The following STK40 variants were observed in gnomAD, a reference collection of about 807,000 sequenced individuals.
STK40 encodes serine/threonine kinase 40, also known as serine/threonine-protein kinase 40.
STK40 carries 13 observed loss-of-function variants against 47.9 expected under a neutral mutation model. The ratio of observed to expected loss-of-function variants is 0.27; its 90% CI spans 0.18 to 0.43. STK40 has a LOEUF of 0.43. Ranked by LOEUF, STK40 falls within the 20% of genes least tolerant of loss-of-function variation. STK40 has a pLI of 1.00. For missense variants in STK40, 460 were observed against 595.1 expected, an observed-to-expected ratio of 0.77 and a Z score of 2.36; for synonymous variants, 225 against 243.2, an observed-to-expected ratio of 0.93 and a Z score of 0.69.
chr1:36,342,258 G>A (rs547219177), intron 10 of STK40: 2 of 456,592 alleles, frequency 4.4e-6, no homozygotes, highest in African/African-American at 4.0e-5. Flanking sequence ...CTTTACCTCA[G>A]AAGCCTTAGC....
At chr1:36,367,934 T>A (rs903525657) in intron 1 of STK40, 14 of 977,650 alleles carry the variant, frequency 1.4e-5, no homozygotes, top group African/African-American at 3.5e-5. Context: ...CAGTTGGAGG[T>A]GAAGTGTGGG....
intron 6 of STK40, among the ~76,000 whole-genome samples, chr1:36,349,419 G>A (rs1646731472): frequency 6.6e-6 from 1 of 152,224 alleles, no homozygotes; most frequent in South Asian, 2.1e-4. Context: ...AAAGGCACAG[G>A]GAAGTGAAAG....
At chr1:36,383,451 A>G (rs1647057963) in intron 1 of STK40, among the ~76,000 whole-genome samples, 1 of 152,378 alleles carries the variant, frequency 6.6e-6, no homozygotes, top group African/African-American at 2.4e-5. Context: ...AGGCCAATGC[A>G]GGAGCTTGCC....
At chr1:36,343,285 C>T (rs557044595) in intron 10 of STK40, 79 bp downstream of exon 10, 16 of 1,479,912 alleles carry the variant, frequency 1.1e-5, no homozygotes, top group Non-Finnish European at 1.5e-5. Flanking sequence ...GTAGCTGCCA[C>T]CTCTGCCCTT....
At chr1:36,379,022 C>T (rs1557526063) in intron 1 of STK40, among the ~76,000 whole-genome samples, 1 of 152,144 alleles carries the variant, frequency 6.6e-6, no homozygotes, top group Non-Finnish European at 1.5e-5. Flanking sequence ...CACTGCTGTC[C>T]CCTCAACACA....
intron 7 of STK40, among the ~76,000 whole-genome samples, chr1:36,345,014 C>T (rs1324093919): frequency 6.6e-6 from 1 of 152,254 alleles, no homozygotes; most frequent in Non-Finnish European, 1.5e-5. Context: ...AGTGGGCCCA[C>T]ATCTGACTGT....
chr1:36,363,258 C>T (rs537225908), intron 1 of STK40, among the ~76,000 whole-genome samples: 39 of 151,958 alleles, frequency 2.6e-4, no homozygotes, highest in South Asian at 1.5e-3. Flanking sequence ...GCTGAGATGG[C>T]GCCATTGTAC....
chr1:36,348,926 G>T, intron 6 of STK40, 111 bp from the exon 7 acceptor site: 1 of 919,146 alleles, frequency 1.1e-6, no homozygotes, highest in Non-Finnish European at 1.7e-6. Context: ...ACAGTAGGAG[G>T]TAGGCTTCTC....
At chr1:36,367,876 A>G in intron 1 of STK40, 2 of 985,542 alleles carry the variant, frequency 2.0e-6, no homozygotes, top group Middle Eastern at 1.0e-3. Context: ...GGGACTGTCC[A>G]GGATGAAGAG....
At chr1:36,350,545 G>A (rs1429393265) in intron 6 of STK40, among the ~76,000 whole-genome samples, 3 of 152,174 alleles carry the variant, frequency 2.0e-5, no homozygotes, top group Admixed American at 6.5e-5. Context: ...TTCCTCATGC[G>A]TACAACAGTG....
intron 1 of STK40, among the ~76,000 whole-genome samples, chr1:36,365,335 G>A (rs997627487): frequency 1.3e-5 from 2 of 152,192 alleles, no homozygotes; most frequent in Non-Finnish European, 2.9e-5. Flanking sequence ...TATATGTGGT[G>A]CACCAGAAAG....
At position 36,345,991 on chromosome 1, in the gene STK40, A is replaced by ATATATT; in HGVS notation, c.740-1728_740-1727insAATATA. 5.3e-4 allele frequency among the ~76,000 whole-genome samples: 14 copies of ATATATT among 26,462 alleles called. 2 individuals carry two copies. Among genetic ancestry groups the ATATATT allele is most frequent in the East Asian group, 2.2e-3 (3 of 1,366 alleles). The allele number at this position is 26,462 out of a possible 152,430, so 17.4% of individuals were successfully genotyped here. Reference sequence around the variant, plus strand: ...TACATATATATATATATATATATATATTTTTTTTTTTTTTTTTTCCTGAGA... The same window carrying ATATATT: ...TACATATATATATATATATATATATATATATTTTTTTTTTTTTTTTTTTTCCTGAGA... On this transcript the variant is annotated intron_variant, in intron 7 of 10. Transcript: ENST00000373132.
At chr1:36,364,944 C>T (rs937927567) in intron 1 of STK40, among the ~76,000 whole-genome samples, 1 of 151,776 alleles carries the variant, frequency 6.6e-6, no homozygotes, top group Admixed American at 6.6e-5. Flanking sequence ...TGTGTCTTCA[C>T]CAGTAAGGTG....
chr1:36,347,435 G>A (rs945307099), intron 7 of STK40, among the ~76,000 whole-genome samples: 5 of 152,190 alleles, frequency 3.3e-5, no homozygotes, highest in Non-Finnish European at 7.3e-5. Context: ...CTGGGGCTGC[G>A]CCTCCATTTT....
At chr1:36,352,954 A>T (rs1317867627) in intron 6 of STK40, among the ~76,000 whole-genome samples, 1 of 152,208 alleles carries the variant, frequency 6.6e-6, no homozygotes, top group African/African-American at 2.4e-5. Context: ...GGCTGGAGCT[A>T]TGGGATCTGG....
At chr1:36,354,206 C>T (rs753599934) in intron 6 of STK40, among the ~76,000 whole-genome samples, 158 bp downstream of exon 6, 20 of 151,104 alleles carry the variant, frequency 1.3e-4, no homozygotes, top group Non-Finnish European at 2.6e-4. Context: ...GCCCCCAATT[C>T]CCATGTTCAT....
At chr1:36,342,938 C>A (rs1227005835) in intron 10 of STK40, 1 of 527,878 alleles carries the variant, frequency 1.9e-6, no homozygotes. Context: ...TCTCTGCCCC[C>A]ACCCTAGGCC....
At chr1:36,357,801 G>A (rs1045544089) in intron 4 of STK40, among the ~76,000 whole-genome samples, 1 of 152,106 alleles carries the variant, frequency 6.6e-6, no homozygotes, top group African/African-American at 2.4e-5. Flanking sequence ...ATTTTTAGTG[G>A]AGACGGGGTT....
chr1:36,343,057 G>C (rs1338522368), intron 10 of STK40: 1 of 603,502 alleles, frequency 1.7e-6, no homozygotes, highest in Non-Finnish European at 3.0e-6. Flanking sequence ...TCAGGGGGCA[G>C]AGAAATGTGA....
Sources: gnomAD v4.1 joint callset for allele counts (sites outside exome capture counted in the v4.1 genomes callset) on GRCh38, gnomAD v4.1.1 for gene constraint, MANE v1.5 for transcripts, NCBI Gene and HGNC (gene_info 2026-07-23, HGNC 2026-07-21) for gene names.